LPP: variants seen among roughly 807,000 people sequenced by gnomAD.
LPP encodes the protein LIM domain containing preferred translocation partner in lipoma.
In LPP, 38 loss-of-function variants were observed where a neutral mutation model predicts 60.4. The observed-to-expected ratio is 0.63, with a 90% confidence interval of 0.49 to 0.83. The LOEUF is 0.83. LPP is among the 40% of genes least tolerant of loss of function. The pLI, the probability that LPP is intolerant of heterozygous loss-of-function variation, is 0.00. For synonymous variants in LPP, 328 were observed against 290.8 expected, an observed-to-expected ratio of 1.13 and a Z score of -1.30; for missense variants, 902 against 783.6, an observed-to-expected ratio of 1.15 and a Z score of -1.80.
intron 6 of LPP, among the ~76,000 whole-genome samples, chr3:188,569,651 C>T (rs192198226): frequency 1.4e-3 from 209 of 151,992 alleles, no homozygotes; most frequent in Non-Finnish European, 2.5e-3. Flanking sequence ...CATTTTTCAG[C>T]AGAGGAAATT....
chr3:188,553,713 A>G (rs541696671), intron 6 of LPP: 1 of 152,332 alleles, frequency 6.6e-6, no homozygotes, highest in East Asian at 1.9e-4. Context: ...GAAACAGAGA[A>G]ATTGAGATTT....
At chr3:188,649,505 G>A (rs1851690351) in intron 7 of LPP, among the ~76,000 whole-genome samples, 1 of 152,198 alleles carries the variant, frequency 6.6e-6, no homozygotes, top group African/African-American at 2.4e-5. Context: ...AGCTCCTGCA[G>A]TGAAACCCAG....
In LPP at chr3:188,762,495, G is replaced by A. The variant is rs182771491; in HGVS notation, c.1410+2213G>A. ...TTATAACCTTTCAGACATACTCCTC[G>A]CATTTTTACATGTTTGCTTGCTTTT... is the stretch of plus-strand genomic sequence containing the variant. On this transcript the variant is annotated intron_variant, in intron 9 of 11. Transcript: ENST00000617246. Among the ~76,000 whole-genome samples the A allele has an allele frequency of 1.4e-4, 22 of 152,178 alleles. No individual in the cohort carries two copies. In the East Asian group the frequency reaches 3.7e-3, roughly 25 times the overall value.
At chr3:188,823,767 CA>C (rs1386378275) in intron 9 of LPP, among the ~76,000 whole-genome samples, 2 of 151,428 alleles carry the variant, frequency 1.3e-5, no homozygotes, top group East Asian at 3.9e-4. Flanking sequence ...TGTATTAGTC[CA>C]AAAATATTAT....
chr3:188,234,399 G>A (rs1348708560), intron 2 of LPP, among the ~76,000 whole-genome samples: 1 of 152,172 alleles, frequency 6.6e-6, no homozygotes, highest in South Asian at 2.1e-4. Context: ...CTCTGAGGCT[G>A]CATCCTGACT....
chr3:188,708,990 G>C (rs181446314), intron 8 of LPP: 1 of 152,258 alleles, frequency 6.6e-6, no homozygotes, highest in Non-Finnish European at 1.5e-5. Context: ...TTTCTCACTG[G>C]TCTAAAGATT....
chr3:188,791,487 G>C (rs1743735085), intron 9 of LPP, among the ~76,000 whole-genome samples: 1 of 151,800 alleles, frequency 6.6e-6, no homozygotes, highest in Non-Finnish European at 1.5e-5. Context: ...GGTGATGTAT[G>C]TTCTGAATGA....
chr3:188,708,712 G>T, intron 8 of LPP: 1 of 427,362 alleles, frequency 2.3e-6, no homozygotes, highest in Non-Finnish European at 4.2e-6. Context: ...ACAAAAATTA[G>T]CTGAGTGTGG....
intron 7 of LPP, among the ~76,000 whole-genome samples, chr3:188,691,238 A>G (rs1395626707): frequency 6.6e-6 from 1 of 152,236 alleles, no homozygotes; most frequent in Non-Finnish European, 1.5e-5. Context: ...GGGATAACAA[A>G]TAGGTACTGA....
chr3:188,570,815 A>G (rs1833373105), intron 6 of LPP, among the ~76,000 whole-genome samples: 1 of 151,942 alleles, frequency 6.6e-6, no homozygotes, highest in African/African-American at 2.4e-5. Flanking sequence ...CCCGCTAGAG[A>G]TAATTATACA....
chr3:188,720,421 C>T (rs4478071), intron 8 of LPP, among the ~76,000 whole-genome samples: 1 of 151,910 alleles, frequency 6.6e-6, no homozygotes, highest in Non-Finnish European at 1.5e-5. Flanking sequence ...TTTTCCATCC[C>T]GGTTCAGAGG....
At chr3:188,363,075 A>G (rs1241952964) in intron 3 of LPP, among the ~76,000 whole-genome samples, 1 of 151,802 alleles carries the variant, frequency 6.6e-6, no homozygotes, top group African/African-American at 2.4e-5. Context: ...GAAATTTAAC[A>G]GCTGTGTGAT....
At chr3:188,536,481 A>T (rs1397922642) in intron 6 of LPP, among the ~76,000 whole-genome samples, 2 of 152,208 alleles carry the variant, frequency 1.3e-5, no homozygotes, top group African/African-American at 4.8e-5. Context: ...AAACCAATTA[A>T]TTGTCTAAAT....
At chr3:188,294,058 A>C (rs1746996087) in intron 2 of LPP, among the ~76,000 whole-genome samples, 2 of 67,052 alleles carry the variant, frequency 3.0e-5, no homozygotes, top group East Asian at 8.9e-4. Context: ...AACTCTGTCA[A>C]AAAAAAAAAA....
intron 1 of LPP, among the ~76,000 whole-genome samples, chr3:188,186,703 G>A (rs1164175297): frequency 4.0e-5 from 6 of 151,618 alleles, no homozygotes; most frequent in Non-Finnish European, 5.9e-5. Context: ...TTCCCAAACC[G>A]GTTCCATTAC....
At position 188,168,425 on chromosome 3, in the gene LPP, C is replaced by T. The variant is rs77022782; in HGVS notation, c.-190+14173C>T. Among the ~76,000 whole-genome samples the T allele has an allele frequency of 9.6e-3, 1,461 of 152,234 alleles. 14 individuals carry two copies. The highest frequency in any genetic ancestry group is 0.016 in the African/African-American group (645 of 41,534). ...AAAGAACATCTCTAAACTGTGTCTA[C>T]GTTGAAAAATCAGAGTCCTGATTTT... is the stretch of plus-strand genomic sequence containing the variant. On this transcript the variant is annotated intron_variant, in intron 1 of 11. Transcript: ENST00000617246.
At chr3:188,413,315 T>TA (rs1785345600) in intron 4 of LPP, among the ~76,000 whole-genome samples, 1 of 152,160 alleles carries the variant, frequency 6.6e-6, no homozygotes, top group Non-Finnish European at 1.5e-5. Flanking sequence ...ACTTTGGAGA[T>TA]ACAAATGGGA....
At chr3:188,870,986 C>G (rs1314902358) in intron 10 of LPP, among the ~76,000 whole-genome samples, 1 of 151,578 alleles carries the variant, frequency 6.6e-6, no homozygotes, top group Non-Finnish European at 1.5e-5. Context: ...CTTTTTTTTT[C>G]TGCACCAGTC....
chr3:188,225,376 C>T (rs188324917), intron 1 of LPP, 29 bp from the exon 2 acceptor site: 4 of 152,288 alleles, frequency 2.6e-5, no homozygotes, highest in East Asian at 1.9e-4. Context: ...CCTAGAGATA[C>T]ATAAGCAACA....
Sources: gnomAD v4.1 joint callset for allele counts (sites outside exome capture counted in the v4.1 genomes callset) on GRCh38, gnomAD v4.1.1 for gene constraint, MANE v1.5 for transcripts, NCBI Gene and HGNC (gene_info 2026-07-23, HGNC 2026-07-21) for gene names.